EYS: variants seen among roughly 807,000 people sequenced by gnomAD.
EYS encodes the protein protein eyes shut homolog.
Under a neutral mutation model 282.1 loss-of-function variants are expected in EYS, and 250 were observed. The observed-to-expected ratio is 0.89, with a 90% CI of 0.80 to 0.98. EYS has a LOEUF of 0.98. Among genes scored for constraint, EYS ranks in the 50% least tolerant of loss-of-function variants. The pLI is 0.00. For synonymous variants in EYS, 1,355 were observed against 1,282.9 expected (o/e 1.06, Z -1.20); for missense variants, 4,016 against 3,709.0 (o/e 1.08, Z -2.15).
intron 2 of EYS, among the ~76,000 whole-genome samples, chr6:65,615,509 C>A (rs1695539857): frequency 1.3e-5 from 2 of 151,136 alleles, no homozygotes; most frequent in Admixed American, 6.6e-5. Flanking sequence ...TTTTTACTGT[C>A]TTTTGGATAA....
chr6:64,777,342 A>G (rs1262356884), intron 22 of EYS, among the ~76,000 whole-genome samples: 1 of 152,130 alleles, frequency 6.6e-6, no homozygotes, highest in East Asian at 1.9e-4. Flanking sequence ...CACTTGATAA[A>G]TAATGACCCT....
intron 2 of EYS, among the ~76,000 whole-genome samples, chr6:65,571,429 G>A (rs1016527887): frequency 5.3e-5 from 8 of 152,016 alleles, no homozygotes; most frequent in African/African-American, 1.9e-4. Context: ...CTGGTACAGA[G>A]AAGGATAGAC....
chr6:64,704,524 A>G (rs971911531), intron 22 of EYS, among the ~76,000 whole-genome samples: 10 of 142,406 alleles, frequency 7.0e-5, no homozygotes, highest in African/African-American at 2.6e-4. Context: ...TATAATTATA[A>G]TACTTATAAT....
chr6:65,140,595 G>C (rs1004649331), intron 12 of EYS, among the ~76,000 whole-genome samples: 5 of 150,938 alleles, frequency 3.3e-5, no homozygotes, highest in Admixed American at 6.6e-5. Flanking sequence ...CTACTCATCT[G>C]ACAAAGGGCT....
At chr6:65,490,513 A>C in intron 5 of EYS, 81 bp downstream of exon 5, 1 of 810,970 alleles carries the variant, frequency 1.2e-6, no homozygotes, top group Non-Finnish European at 2.1e-6. Context: ...TAATAAAGGA[A>C]ATATTTCACA....
intron 23 of EYS, among the ~76,000 whole-genome samples, chr6:64,625,276 A>G (rs1469130029): frequency 6.6e-6 from 1 of 152,220 alleles, no homozygotes; most frequent in Non-Finnish European, 1.5e-5. Context: ...AAGGAATATG[A>G]TCAAAGGTAG....
chr6:65,399,808 T>C (rs1448700110), intron 7 of EYS, among the ~76,000 whole-genome samples: 4 of 152,076 alleles, frequency 2.6e-5, no homozygotes, highest in African/African-American at 4.8e-5. Flanking sequence ...TAGTTCTTTC[T>C]TCATAAACAA....
At chr6:65,705,727 A>T (rs1387797) in intron 1 of EYS, among the ~76,000 whole-genome samples, 1 of 151,936 alleles carries the variant, frequency 6.6e-6, no homozygotes, top group African/African-American at 2.4e-5. Flanking sequence ...GAGTATAGTC[A>T]GGATTAAATC....
chr6:64,645,660 C>T (rs947568984), intron 22 of EYS, among the ~76,000 whole-genome samples: 7 of 151,924 alleles, frequency 4.6e-5, no homozygotes, highest in African/African-American at 4.8e-5. Context: ...GAACCAAAAT[C>T]GTAGGTCTTT....
chr6:64,021,743 A>C (rs1417292697), intron 33 of EYS, among the ~76,000 whole-genome samples: 1 of 151,884 alleles, frequency 6.6e-6, no homozygotes, highest in Non-Finnish European at 1.5e-5. Context: ...TCTCCCTCCC[A>C]CCCCATCCCT....
At chr6:63,924,888 T>TCA (rs2149746252) in intron 35 of EYS, among the ~76,000 whole-genome samples, 1 of 152,298 alleles carries the variant, frequency 6.6e-6, no homozygotes, top group Admixed American at 6.5e-5. Flanking sequence ...TTTGGGATCA[T>TCA]CACTATGTTT....
intron 7 of EYS, among the ~76,000 whole-genome samples, chr6:65,385,742 G>T (rs1296379493): frequency 2.0e-5 from 3 of 151,868 alleles, no homozygotes; most frequent in Non-Finnish European, 4.4e-5. Flanking sequence ...TTCCATAGAT[G>T]AAGACCTTTA....
chr6:64,307,482 C>T (rs1460119355), intron 29 of EYS, among the ~76,000 whole-genome samples: 1 of 152,018 alleles, frequency 6.6e-6, no homozygotes, highest in African/African-American at 2.4e-5. Context: ...TAGGTAGACT[C>T]TAACAAAATG....
chr6:64,604,625 A>G (rs969013753), intron 24 of EYS, among the ~76,000 whole-genome samples: 1 of 152,060 alleles, frequency 6.6e-6, no homozygotes, highest in African/African-American at 2.4e-5. Context: ...TTTGGCTACC[A>G]GAACTTCAGG....
intron 22 of EYS, among the ~76,000 whole-genome samples, chr6:64,795,216 C>G (rs1032245767): frequency 7.1e-6 from 1 of 140,766 alleles, no homozygotes; most frequent in Non-Finnish European, 1.5e-5. Context: ...GCATGGGTAA[C>G]AAGAGCAAAA....
At chr6:63,782,598 C>T (rs571935196) in intron 39 of EYS, among the ~76,000 whole-genome samples, 3 of 152,140 alleles carry the variant, frequency 2.0e-5, no homozygotes, top group Non-Finnish European at 2.9e-5. Flanking sequence ...GTGGTGATAT[C>T]GCCTTCATCA....
intron 11 of EYS, chr6:65,330,897 G>A: frequency 1.0e-6 from 1 of 970,834 alleles, no homozygotes; most frequent in African/African-American, 1.8e-5. Context: ...CTTATTATGA[G>A]CCATTTCCTC....
chr6:65,514,245 C>A (rs1415721162), intron 2 of EYS, among the ~76,000 whole-genome samples: 1 of 151,914 alleles, frequency 6.6e-6, no homozygotes, highest in African/African-American at 2.4e-5. Flanking sequence ...ACGTGAAGGA[C>A]CTCTTCAAGG....
At chr6:64,244,499 T>C (rs987205308) in intron 30 of EYS, among the ~76,000 whole-genome samples, 47 of 152,324 alleles carry the variant, frequency 3.1e-4, no homozygotes, top group African/African-American at 1.1e-3. Context: ...ATCGTTTTTA[T>C]TCATCTAGGT....
Sources: gnomAD v4.1 joint callset for allele counts (sites outside exome capture counted in the v4.1 genomes callset) on GRCh38, gnomAD v4.1.1 for gene constraint, MANE v1.5 for transcripts, NCBI Gene and HGNC (gene_info 2026-07-23, HGNC 2026-07-21) for gene names.